Variants in DNAH10 observed in about 807,000 individuals in gnomAD.
DNAH10 encodes the protein axonemal beta dynein heavy chain 10.
A neutral mutation model predicts 506.6 loss-of-function variants in DNAH10; 348 were observed. The observed-to-expected ratio is 0.69, with a 90% CI of 0.63 to 0.75. The LOEUF (loss-of-function observed/expected upper bound fraction) is 0.75. Among genes scored for constraint, DNAH10 ranks in the 30% least tolerant of loss-of-function variants. DNAH10 has a pLI of 0.00. For missense variants in DNAH10, 5,179 were observed against 5,787.1 expected, an observed-to-expected ratio of 0.89 and a Z score of 3.41; for synonymous variants, 2,059 against 2,198.6, an observed-to-expected ratio of 0.94 and a Z score of 1.78.
intron 9 of DNAH10, among the ~76,000 whole-genome samples, chr12:123,786,969 C>G (rs1594021127): frequency 6.6e-6 from 1 of 152,168 alleles, no homozygotes; most frequent in East Asian, 1.9e-4. Context: ...GAAATCCTGT[C>G]TCAACTGAAA....
intron 6 of DNAH10, among the ~76,000 whole-genome samples, chr12:123,782,620 C>T (rs1022328820): frequency 6.6e-6 from 1 of 151,740 alleles, no homozygotes. Context: ...CCACATTGGC[C>T]AGGCTGGTCT....
chr12:123,841,049 C>G (rs1172419792), intron 29 of DNAH10, among the ~76,000 whole-genome samples: 2 of 152,232 alleles, frequency 1.3e-5, no homozygotes, highest in Non-Finnish European at 2.9e-5. Flanking sequence ...GATACCTCCC[C>G]ACTCCAGCAG....
At chr12:123,879,128 G>A in intron 48 of DNAH10, 136 bp from the exon 49 acceptor site, 2 of 674,170 alleles carry the variant, frequency 3.0e-6, no homozygotes, top group Admixed American at 5.4e-5. Flanking sequence ...ATTAACGTGA[G>A]ACTAGGGGGG....
At chr12:123,831,992 G>A (rs1330847922) in intron 26 of DNAH10, among the ~76,000 whole-genome samples, 1 of 151,686 alleles carries the variant, frequency 6.6e-6, no homozygotes, top group South Asian at 2.1e-4. Context: ...ATCACTGAAT[G>A]AAACATCCTT....
intron 50 of DNAH10, 97 bp downstream of exon 50, chr12:123,879,898 C>T: frequency 7.3e-7 from 1 of 1,372,238 alleles, no homozygotes. Flanking sequence ...AGCCTATCAC[C>T]TGGGGCTCTG....
intron 39 of DNAH10, among the ~76,000 whole-genome samples, chr12:123,862,967 T>C (rs1951668988): frequency 6.6e-6 from 1 of 152,062 alleles, no homozygotes; most frequent in Non-Finnish European, 1.5e-5. Flanking sequence ...AACGTAACAA[T>C]TGGGGAATCT....
At chr12:123,819,122 A>G in intron 22 of DNAH10, 26 bp from the exon 23 acceptor site, 1 of 1,608,732 alleles carries the variant, frequency 6.2e-7, no homozygotes, top group Non-Finnish European at 8.5e-7. Flanking sequence ...ATTTGGGCTA[A>G]ATTAATGTAA....
intron 78 of DNAH10, 190 bp downstream of exon 78, chr12:123,934,956 G>C (rs939295582): frequency 9.6e-6 from 7 of 726,990 alleles, no homozygotes; most frequent in Non-Finnish European, 1.6e-5. Flanking sequence ...GGCTGTATGT[G>C]TGTGTGGATG....
chr12:123,861,697 G>T (rs1951618561), intron 39 of DNAH10, among the ~76,000 whole-genome samples: 2 of 152,372 alleles, frequency 1.3e-5, no homozygotes, highest in Middle Eastern at 3.4e-3. Flanking sequence ...TGCTCTGAGG[G>T]TGTGTAAGGT....
chr12:123,827,158 G>T (rs1242368808), intron 25 of DNAH10, among the ~76,000 whole-genome samples: 2 of 152,132 alleles, frequency 1.3e-5, no homozygotes, highest in Non-Finnish European at 1.5e-5. Flanking sequence ...TTTTCTCGAA[G>T]ATTTAAAAAA....
At chr12:123,867,824 G>A (rs1951872306) in intron 42 of DNAH10, 79 bp from the exon 43 acceptor site, 2 of 1,460,362 alleles carry the variant, frequency 1.4e-6, no homozygotes, top group Admixed American at 4.1e-5. Context: ...TGGGACCTGG[G>A]ATCCCAGGAT....
intron 30 of DNAH10, among the ~76,000 whole-genome samples, chr12:123,843,461 C>T (rs748327045): frequency 6.6e-6 from 1 of 152,210 alleles, no homozygotes; most frequent in Non-Finnish European, 1.5e-5. Context: ...TGTTGTCTCT[C>T]TCCTGATGTG....
In DNAH10 at chr12:123,907,482, G is replaced by A. The variant is rs958294262; in HGVS notation, c.9816-1779G>A. Among the ~76,000 whole-genome samples the A allele has an allele frequency of 6.6e-6, 1 of 152,144 alleles. No individual in the cohort carries two copies. The highest frequency in any genetic ancestry group is 2.4e-5 in the African/African-American group (1 of 41,398). On this transcript the variant is annotated intron_variant, in intron 57 of 78. Coordinates refer to ENST00000673944, the MANE Select transcript of DNAH10 (RefSeq NM_001372106.1). The surrounding 1 kb of genome is among the most constrained non-coding windows in gnomAD (Gnocchi z 4.4). ...CACATTTCACACACCTTGGTCATCC[G>A]GCATTGTGGAAAGTGGTATGTTCTG...
chr12:123,804,025 T>C (rs1958567508), intron 17 of DNAH10, among the ~76,000 whole-genome samples, 200 bp downstream of exon 17: 1 of 152,186 alleles, frequency 6.6e-6, no homozygotes. Flanking sequence ...GTTTTATATA[T>C]TGCTTAGTTT....
Position 123,902,837 on chromosome 12 carries a change from G to A in DNAH10, c.9641-102G>A, listed in dbSNP as rs1566074895. 5 of 1,411,590 alleles carry A rather than the reference G, an allele frequency of 3.5e-6. No individual in the cohort carries two copies. The highest frequency in any genetic ancestry group is 3.8e-6 in the Non-Finnish European group (4 of 1,062,824). 87.4% of individuals were successfully genotyped at this position (1,411,590 alleles called of 1,614,324 possible). A position where few individuals can be genotyped will look rare whatever the true frequency, so the allele number is the denominator to read the frequency against. On this transcript the variant is annotated intron_variant, in intron 56 of 78. Coordinates refer to ENST00000673944, the MANE Select transcript of DNAH10 (RefSeq NM_001372106.1). The surrounding 1 kb of genome is among the most constrained non-coding windows in gnomAD (Gnocchi z 4.5). ...CCAGAGCCCCTTAGATCCCCGCTAG[G>A]GCTCAAGCCAACCTTTGAGGACTGC...
At chr12:123,882,855 C>G (rs1207221749) in intron 51 of DNAH10, among the ~76,000 whole-genome samples, 1 of 151,606 alleles carries the variant, frequency 6.6e-6, no homozygotes, top group Non-Finnish European at 1.5e-5. Context: ...AAATCCCATG[C>G]CCTTTAGTGA....
chr12:123,876,053 C>T (rs946888858), intron 47 of DNAH10, among the ~76,000 whole-genome samples: 3 of 152,206 alleles, frequency 2.0e-5, no homozygotes, highest in African/African-American at 7.2e-5. Flanking sequence ...CCAAATGGAA[C>T]CCATTCATTT....
intron 6 of DNAH10, among the ~76,000 whole-genome samples, chr12:123,782,570 C>T (rs1361263117): frequency 6.6e-6 from 1 of 151,716 alleles, no homozygotes; most frequent in Non-Finnish European, 1.5e-5. Flanking sequence ...CACCACCATG[C>T]CTAGCTAATT....
At chr12:123,838,068 C>G (rs745368565) in intron 28 of DNAH10, among the ~76,000 whole-genome samples, 3 of 152,072 alleles carry the variant, frequency 2.0e-5, no homozygotes, top group Non-Finnish European at 2.9e-5. Flanking sequence ...TCTGTATATA[C>G]AAATTGCTCA....
Sources: allele counts gnomAD v4.1 joint callset (sites outside exome capture counted in the v4.1 genomes callset), GRCh38; gene constraint gnomAD v4.1.1; non-coding constraint Gnocchi (gnomAD v3.1); transcripts MANE v1.5; gene names NCBI Gene and HGNC (gene_info 2026-07-23, HGNC 2026-07-21).